PKNOX2: variants seen among roughly 807,000 people sequenced by gnomAD.
The protein encoded by PKNOX2 is PBX/knotted 1 homeobox 2.
In PKNOX2, 14 loss-of-function variants were observed where a neutral mutation model predicts 53.1. The observed-to-expected ratio is 0.26, with a 90% confidence interval of 0.17 to 0.41. The LOEUF (loss-of-function observed/expected upper bound fraction) is 0.41. PKNOX2 is among the 10% of genes least tolerant of loss of function. PKNOX2 has a pLI of 1.00. For missense variants in PKNOX2, 496 were observed against 602.8 expected, an observed-to-expected ratio of 0.82 and a Z score of 1.85; for synonymous variants, 257 against 242.8, an observed-to-expected ratio of 1.06 and a Z score of -0.54.
chr11:125,254,975 C>T (rs1331430460), intron 2 of PKNOX2, among the ~76,000 whole-genome samples: 2 of 152,212 alleles, frequency 1.3e-5, no homozygotes, highest in East Asian at 1.9e-4. Flanking sequence ...GTATTAAAGA[C>T]TTACCACACA....
intron 4 of PKNOX2, among the ~76,000 whole-genome samples, chr11:125,353,938 G>T (rs1246300660): frequency 6.6e-6 from 1 of 152,120 alleles, no homozygotes; most frequent in Admixed American, 6.5e-5. Context: ...TGGGAGGGAT[G>T]GGGGAGCTGG....
At position 125,431,470 on chromosome 11, in the gene PKNOX2, G is replaced by GGGCCCCCCC; in HGVS notation, c.*78_*79insGGCCCCCCC. The GGGCCCCCCC allele has an allele frequency of 3.5e-6, 1 of 282,772 alleles. No individual in the cohort carries two copies. The highest frequency in any genetic ancestry group is 7.1e-6 in the Non-Finnish European group (1 of 140,432). 17.5% of individuals were successfully genotyped at this position (282,772 alleles called of 1,614,324 possible). A position where few individuals can be genotyped will look rare whatever the true frequency, so the allele number is the denominator to read the frequency against. On this transcript the variant is annotated 3_prime_UTR_variant, in exon 13 of 13. Coordinates refer to ENST00000298282, the MANE Select transcript of PKNOX2 (RefSeq NM_001382323.2). ...AGGCCTTCAGGGTGGGGGGGAAGGG[G>GGGCCCCCCC]ACATGGGCAGGAAGCACCGAGGGAG...
At chr11:125,382,699 G>A (rs2135357544) in intron 5 of PKNOX2, among the ~76,000 whole-genome samples, 1 of 152,346 alleles carries the variant, frequency 6.6e-6, no homozygotes, top group East Asian at 1.9e-4. Context: ...CTCAGGGCCA[G>A]GAGAATCTTG....
intron 1 of PKNOX2, among the ~76,000 whole-genome samples, chr11:125,205,117 G>C (rs1274144671): frequency 6.6e-6 from 1 of 152,230 alleles, no homozygotes; most frequent in African/African-American, 2.4e-5. Flanking sequence ...TCCTAGAAAG[G>C]AGTGAGTCAG....
chr11:125,264,909 C>T (rs948407929), intron 2 of PKNOX2, among the ~76,000 whole-genome samples: 6 of 152,124 alleles, frequency 3.9e-5, no homozygotes, highest in African/African-American at 1.4e-4. Flanking sequence ...TAAGCACTTC[C>T]CAGAGTGGGC....
At chr11:125,170,915 C>T (rs1031070393) in intron 1 of PKNOX2, among the ~76,000 whole-genome samples, 1 of 147,894 alleles carries the variant, frequency 6.8e-6, no homozygotes, top group Non-Finnish European at 1.5e-5. Context: ...TTAGTAGGAA[C>T]GTGGCCAATT....
intron 9 of PKNOX2, chr11:125,411,309 C>T: frequency 3.0e-6 from 1 of 333,184 alleles, no homozygotes; most frequent in Non-Finnish European, 5.8e-6. Context: ...CCTAGCCAAC[C>T]TACAGGGCTG....
At chr11:125,322,457 T>G (rs1447142027) in intron 2 of PKNOX2, among the ~76,000 whole-genome samples, 1 of 152,182 alleles carries the variant, frequency 6.6e-6, no homozygotes, top group African/African-American at 2.4e-5. Flanking sequence ...TCCTCTCTTA[T>G]GCAGACACAG....
At chr11:125,278,784 C>T (rs1946355225) in intron 2 of PKNOX2, among the ~76,000 whole-genome samples, 1 of 152,174 alleles carries the variant, frequency 6.6e-6, no homozygotes, top group Non-Finnish European at 1.5e-5. Flanking sequence ...TTTAGATATC[C>T]CTCGCCAGCT....
chr11:125,183,648 T>A (rs1316728098), intron 1 of PKNOX2, among the ~76,000 whole-genome samples: 1 of 152,092 alleles, frequency 6.6e-6, no homozygotes, highest in East Asian at 1.9e-4. Context: ...TTATTAACTT[T>A]TTTTTTTTGC....
Position 125,358,894 on chromosome 11 carries a change from A to G in PKNOX2, c.87+7502A>G, listed in dbSNP as rs139740386. On this transcript the variant is annotated intron_variant, in intron 4 of 12. Coordinates refer to ENST00000298282, the MANE Select transcript of PKNOX2 (RefSeq NM_001382323.2). Reference sequence around the variant, plus strand: ...GAGCTGGGAGACCAGCCCGCTCATGAGACAGGCAAAGGGCCTGGTGTTGCC... The same window carrying G: ...GAGCTGGGAGACCAGCCCGCTCATGGGACAGGCAAAGGGCCTGGTGTTGCC... Among the ~76,000 whole-genome samples, 156 of 152,332 alleles carry G rather than the reference A, an allele frequency of 1.0e-3. 4 individuals are homozygous for G. The highest frequency in any genetic ancestry group is 3.2e-3 in the African/African-American group (133 of 41,574).
intron 1 of PKNOX2, among the ~76,000 whole-genome samples, chr11:125,188,443 G>A (rs1455221160): frequency 1.3e-5 from 2 of 152,188 alleles, no homozygotes; most frequent in Non-Finnish European, 2.9e-5. Flanking sequence ...CAACCTTCAC[G>A]AGTGTGCCAT....
chr11:125,176,504 C>T (rs1955713670), intron 1 of PKNOX2, among the ~76,000 whole-genome samples: 1 of 152,104 alleles, frequency 6.6e-6, no homozygotes, highest in Non-Finnish European at 1.5e-5. Context: ...CCGTGAGGGC[C>T]TCAACAGGGA....
chr11:125,430,945 G>A (rs1387263938), intron 12 of PKNOX2, among the ~76,000 whole-genome samples: 1 of 152,200 alleles, frequency 6.6e-6, no homozygotes, highest in Non-Finnish European at 1.5e-5. Flanking sequence ...TGCAGTGAAC[G>A]GTGGCTGGGA....
intron 2 of PKNOX2, among the ~76,000 whole-genome samples, chr11:125,242,755 C>T (rs1348880000): frequency 6.6e-6 from 1 of 151,846 alleles, no homozygotes; most frequent in Non-Finnish European, 1.5e-5. Flanking sequence ...AGTTTTAGTG[C>T]CCTGCTTGTT....
chr11:125,229,139 T>C (rs1941981257), intron 1 of PKNOX2, among the ~76,000 whole-genome samples: 1 of 152,138 alleles, frequency 6.6e-6, no homozygotes, highest in Admixed American at 6.5e-5. Flanking sequence ...TCCTCCAGCA[T>C]GCAGCTGAGT....
intron 3 of PKNOX2, among the ~76,000 whole-genome samples, chr11:125,346,428 C>T (rs2136181429): frequency 6.6e-6 from 1 of 152,328 alleles, no homozygotes; most frequent in South Asian, 2.1e-4. Context: ...CTTCATTCTG[C>T]AGTCCGAGAG....
chr11:125,201,491 A>G (rs144882625), intron 1 of PKNOX2, among the ~76,000 whole-genome samples: 21 of 152,286 alleles, frequency 1.4e-4, no homozygotes, highest in African/African-American at 3.6e-4. Flanking sequence ...CTGGAGAGAG[A>G]GTCAAGGCTG....
chr11:125,424,329 GCTT>G (rs1284171079), intron 10 of PKNOX2, among the ~76,000 whole-genome samples: 1 of 152,150 alleles, frequency 6.6e-6, no homozygotes, highest in Non-Finnish European at 1.5e-5. Flanking sequence ...GACTTATTGT[GCTT>G]CTCTTTATTC....
Sources: gnomAD v4.1 joint callset for allele counts (sites outside exome capture counted in the v4.1 genomes callset) on GRCh38, gnomAD v4.1.1 for gene constraint, MANE v1.5 for transcripts, NCBI Gene and HGNC (gene_info 2026-07-23, HGNC 2026-07-21) for gene names.